The following PRELID2 variants were observed in gnomAD, a reference collection of about 807,000 sequenced individuals.
PRELID2 encodes the protein PRELI domain-containing protein 2.
A neutral mutation model predicts 28.4 loss-of-function variants in PRELID2; 25 were observed. The observed-to-expected ratio is 0.88, with a 90% CI of 0.64 to 1.23. The LOEUF is 1.23. Ranked by LOEUF, PRELID2 falls within the 50% of genes most tolerant of loss-of-function variation. The probability of loss-of-function intolerance (pLI) is 0.00; values close to 1 mark genes in which losing one functional copy is unlikely to be tolerated. For synonymous variants in PRELID2, 76 were observed against 71.6 expected, an observed-to-expected ratio of 1.06 and a Z score of -0.31; for missense variants, 201 against 214.4, an observed-to-expected ratio of 0.94 and a Z score of 0.39.
chr5:145,563,633 A>G (rs1752941773), intron 1 of PRELID2, among the ~76,000 whole-genome samples: 1 of 152,194 alleles, frequency 6.6e-6, no homozygotes, highest in South Asian at 2.1e-4. Context: ...TTTTCTTGAC[A>G]CTGTCACTGA....
intron 3 of PRELID2, chr5:145,819,348 T>A (rs745551684): frequency 1.3e-6 from 2 of 1,508,728 alleles, no homozygotes; most frequent in Non-Finnish European, 1.8e-6. Context: ...CCTCTATGGG[T>A]CAAGCAATGT....
At position 145,802,389 on chromosome 5, in the gene PRELID2, T is replaced by C. The variant is rs558442594; in HGVS notation, c.369-5842A>G. On this transcript the variant is annotated intron_variant, in intron 4 of 6. Coordinates refer to ENST00000683046, the MANE Select transcript of PRELID2 (RefSeq NM_205846.3). Reference sequence around the variant, plus strand: ...AAATGTTTTTCTAAATGGTTGTATCTATTTTTTCTTCATTGAATCCTCAAT... The same window carrying C: ...AAATGTTTTTCTAAATGGTTGTATCCATTTTTTCTTCATTGAATCCTCAAT... Among the ~76,000 whole-genome samples, 19 of 152,324 alleles carry C rather than the reference T, an allele frequency of 1.2e-4. No individual in the cohort carries two copies. In the South Asian group the frequency reaches 3.5e-3, roughly 28 times the overall value.
At chr5:145,481,356 T>C (rs977123010) in intron 1 of PRELID2, among the ~76,000 whole-genome samples, 3 of 151,970 alleles carry the variant, frequency 2.0e-5, no homozygotes, top group Non-Finnish European at 4.4e-5. Flanking sequence ...CTTTCAATCC[T>C]CTTAGAATCT....
chr5:145,752,198 G>A (rs1757141227), downstream of PRELID2, among the ~76,000 whole-genome samples: 1 of 151,952 alleles, frequency 6.6e-6, no homozygotes, highest in South Asian at 2.1e-4. Context: ...CCTTTAATAA[G>A]GCTCAAAAAA....
the PRELID2 span, chr5:145,229,143 G>T: frequency 2.7e-6 from 3 of 1,101,396 alleles, no homozygotes; most frequent in Non-Finnish European, 4.2e-6. Context: ...GCGGGTGGGG[G>T]CCAAGTGTGT....
chr5:145,693,633 C>T (rs1755195200), intron 1 of PRELID2, among the ~76,000 whole-genome samples: 1 of 151,938 alleles, frequency 6.6e-6, no homozygotes, highest in Non-Finnish European at 1.5e-5. Context: ...ATTAGCCAGG[C>T]CATGGTGGTG....
the PRELID2 span, among the ~76,000 whole-genome samples, chr5:145,392,262 C>A: frequency 7.2e-4 from 108 of 150,166 alleles, no homozygotes; most frequent in South Asian, 7.5e-3. Context: ...AGGAAACTTA[C>A]AATCATGACA....
intron 1 of PRELID2, among the ~76,000 whole-genome samples, chr5:145,491,374 T>C (rs551886056): frequency 3.3e-5 from 5 of 152,242 alleles, no homozygotes; most frequent in South Asian, 4.1e-4. Flanking sequence ...TCTGCCTTCA[T>C]GACTAATCAC....
At chr5:145,466,036 G>T in the PRELID2 span, among the ~76,000 whole-genome samples, 1 of 152,094 alleles carries the variant, frequency 6.6e-6, no homozygotes, top group African/African-American at 2.4e-5. Flanking sequence ...GTGTCAGAAT[G>T]TGTGTGAGCA....
chr5:145,605,932 T>C, intron 1 of PRELID2, among the ~76,000 whole-genome samples: 1 of 152,104 alleles, frequency 6.6e-6, no homozygotes, highest in South Asian at 2.1e-4. Flanking sequence ...TTGTGTCATC[T>C]CTGATTTATT....
chr5:145,603,024 C>G (rs141697697), intron 1 of PRELID2, among the ~76,000 whole-genome samples: 2,237 of 152,180 alleles, frequency 0.015, 59 homozygotes, highest in African/African-American at 0.051. Context: ...TGCACTCCAG[C>G]CTGGGTGACA....
chr5:145,833,511 T>C (rs761483914), intron 1 of PRELID2, among the ~76,000 whole-genome samples: 5 of 152,238 alleles, frequency 3.3e-5, no homozygotes, highest in Non-Finnish European at 7.3e-5. Context: ...AAATCATTCT[T>C]TCATTCATTT....
At chr5:145,648,421 A>G (rs981797920) in intron 1 of PRELID2, among the ~76,000 whole-genome samples, 5 of 151,820 alleles carry the variant, frequency 3.3e-5, no homozygotes, top group Admixed American at 3.3e-4. Context: ...AAAAATAATA[A>G]ATAATAAAAT....
At chr5:145,447,574 A>C in the PRELID2 span, among the ~76,000 whole-genome samples, 2 of 124,524 alleles carry the variant, frequency 1.6e-5, no homozygotes, top group East Asian at 2.4e-4. Context: ...GCACCCACTA[A>C]CTCGTCATCT....
At chr5:145,483,885 C>G (rs1177837936) in intron 1 of PRELID2, among the ~76,000 whole-genome samples, 2 of 152,212 alleles carry the variant, frequency 1.3e-5, no homozygotes, top group African/African-American at 2.4e-5. Context: ...GTGAGTGTTT[C>G]CCTTGTCTGT....
the PRELID2 span, among the ~76,000 whole-genome samples, chr5:145,408,250 C>T: frequency 3.3e-5 from 5 of 152,034 alleles, no homozygotes; most frequent in South Asian, 8.3e-4. Flanking sequence ...GGTTTCATAA[C>T]ACCCTTAAAA....
chr5:145,500,410 G>T (rs1374425086), intron 1 of PRELID2, among the ~76,000 whole-genome samples: 1 of 148,762 alleles, frequency 6.7e-6, no homozygotes, highest in East Asian at 2.0e-4. Flanking sequence ...TGTATAGCCT[G>T]TAGAAAGTGA....
At chr5:145,600,506 A>G (rs1031121650) in intron 1 of PRELID2, among the ~76,000 whole-genome samples, 4 of 150,756 alleles carry the variant, frequency 2.7e-5, no homozygotes, top group African/African-American at 7.4e-5. Context: ...GTAGCAAGGT[A>G]GAAAAACTGA....
At chr5:145,545,147 A>C (rs1022128302) in intron 1 of PRELID2, among the ~76,000 whole-genome samples, 3 of 152,192 alleles carry the variant, frequency 2.0e-5, no homozygotes, top group Non-Finnish European at 4.4e-5. Context: ...CTTATAGGTG[A>C]GTATTTTTTT....
Sources: allele counts gnomAD v4.1 joint callset (sites outside exome capture counted in the v4.1 genomes callset), GRCh38; gene constraint gnomAD v4.1.1; transcripts MANE v1.5; gene names NCBI Gene and HGNC (gene_info 2026-07-23, HGNC 2026-07-21).